ANTXR2: variants seen among roughly 807,000 people sequenced by gnomAD.
ANTXR2 encodes the protein ANTXR cell adhesion molecule 2, also known as anthrax toxin receptor 2.
In ANTXR2, 44 loss-of-function variants were observed where a neutral mutation model predicts 73.7. The observed-to-expected ratio is 0.60, with a 90% confidence interval of 0.47 to 0.77. The LOEUF is 0.77. ANTXR2 is among the 30% of genes least tolerant of loss of function. The pLI, the probability that ANTXR2 is intolerant of heterozygous loss-of-function variation, is 0.00. For synonymous variants in ANTXR2, 217 were observed against 205.9 expected (o/e 1.05, Z -0.46); for missense variants, 604 against 592.5 (o/e 1.02, Z -0.20).
chr4:79,931,176 C>T (rs577900144), intron 16 of ANTXR2, among the ~76,000 whole-genome samples: 1 of 152,232 alleles, frequency 6.6e-6, no homozygotes, highest in African/African-American at 2.4e-5. Flanking sequence ...AAATTGTGTA[C>T]ATAATTTTGC....
intron 16 of ANTXR2, among the ~76,000 whole-genome samples, chr4:79,916,347 T>C (rs1055620515): frequency 2.0e-5 from 3 of 152,114 alleles, no homozygotes; most frequent in Non-Finnish European, 4.4e-5. Context: ...TTGTGCTTCC[T>C]AATAAGTCAA....
At chr4:79,975,182 C>T (rs1729577033) in intron 16 of ANTXR2, among the ~76,000 whole-genome samples, 1 of 152,250 alleles carries the variant, frequency 6.6e-6, no homozygotes, top group East Asian at 1.9e-4. Context: ...TATCTCCTAC[C>T]TATATTCAAA....
At chr4:79,961,173 A>G (rs1185365063) in intron 16 of ANTXR2, among the ~76,000 whole-genome samples, 3 of 152,062 alleles carry the variant, frequency 2.0e-5, no homozygotes, top group Non-Finnish European at 4.4e-5. Context: ...CACATGTAGA[A>G]TAATGTAGAT....
At chr4:79,966,264 G>A (rs529298439) in intron 16 of ANTXR2, among the ~76,000 whole-genome samples, 7 of 152,064 alleles carry the variant, frequency 4.6e-5, no homozygotes, top group East Asian at 1.9e-4. Context: ...CTTGGGCATC[G>A]TAGTCCCCTA....
intron 5 of ANTXR2, 33 bp from the exon 6 acceptor site, chr4:80,055,251 A>G (rs1306284221): frequency 1.3e-6 from 2 of 1,553,218 alleles, no homozygotes; most frequent in African/African-American, 2.7e-5. Flanking sequence ...GAGAGAAAAA[A>G]AGAGAGGGGA....
chr4:79,901,345 A>G lies in ANTXR2; in HGVS notation c.*6084T>C, dbSNP rs1228633737. On this transcript the variant is annotated 3_prime_UTR_variant, in exon 17 of 17. Transcript: ENST00000403729. ...TGGTGGAGTACATGATAAGAAGTTT[A>G]GATTTGCTTCTAATTTGGCACATGA... The G allele has an allele frequency of 1.3e-5, 2 of 152,082 alleles. No individual in the cohort carries two copies. Among genetic ancestry groups the G allele is most frequent in the African/African-American group, 4.8e-5 (2 of 41,430 alleles). 9.4% of individuals were successfully genotyped at this position (152,082 alleles called of 1,614,324 possible).
intron 1 of ANTXR2, 52 bp downstream of exon 1, chr4:80,072,357 T>A (rs1015025681): frequency 1.3e-6 from 2 of 1,509,728 alleles, no homozygotes; most frequent in African/African-American, 2.9e-5. Flanking sequence ...CAGCCCCAGC[T>A]GATCCAGTGC....
At chr4:79,922,735 T>C (rs1490612220) in intron 16 of ANTXR2, among the ~76,000 whole-genome samples, 1 of 152,042 alleles carries the variant, frequency 6.6e-6, no homozygotes, top group African/African-American at 2.4e-5. Flanking sequence ...GAAATTTAGG[T>C]CTACCTACAA....
At chr4:79,995,505 A>G (rs1730682028) in intron 12 of ANTXR2, among the ~76,000 whole-genome samples, 1 of 152,022 alleles carries the variant, frequency 6.6e-6, no homozygotes, top group African/African-American at 2.4e-5. Context: ...AGAAGAGGAG[A>G]TAGAAGTATA....
At chr4:80,029,342 T>G (rs1015473194) in intron 10 of ANTXR2, among the ~76,000 whole-genome samples, 3 of 152,074 alleles carry the variant, frequency 2.0e-5, no homozygotes, top group African/African-American at 7.2e-5. Flanking sequence ...CCAAGATTTT[T>G]TTTTTCTGCT....
intron 16 of ANTXR2, among the ~76,000 whole-genome samples, chr4:79,926,885 A>G (rs1236564887): frequency 1.3e-5 from 2 of 151,922 alleles, no homozygotes; most frequent in African/African-American, 4.8e-5. Context: ...GTGTGTATAT[A>G]TATGTGTGTA....
chr4:80,065,920 A>G (rs1195569628), intron 3 of ANTXR2, among the ~76,000 whole-genome samples: 1 of 152,246 alleles, frequency 6.6e-6, no homozygotes, highest in African/African-American at 2.4e-5. Context: ...ATTGTAATAT[A>G]TAACATCAAG....
chr4:80,000,489 C>T (rs540091840), intron 12 of ANTXR2, among the ~76,000 whole-genome samples: 12 of 152,116 alleles, frequency 7.9e-5, no homozygotes, highest in Admixed American at 1.3e-4. Context: ...ATTCACCATG[C>T]AACATGCCTG....
chr4:79,994,127 A>G (rs1730614161), intron 12 of ANTXR2, among the ~76,000 whole-genome samples: 1 of 151,990 alleles, frequency 6.6e-6, no homozygotes, highest in Admixed American at 6.6e-5. Context: ...TGATAGTTAT[A>G]ATTACCATAG....
chr4:80,068,976 T>C (rs1350594012), intron 3 of ANTXR2, among the ~76,000 whole-genome samples: 1 of 152,158 alleles, frequency 6.6e-6, no homozygotes, highest in Non-Finnish European at 1.5e-5. Context: ...CTAAGTTCCC[T>C]TATAAAGGTG....
intron 3 of ANTXR2, among the ~76,000 whole-genome samples, chr4:80,068,972 T>C (rs575937718): frequency 6.6e-6 from 1 of 152,254 alleles, no homozygotes; most frequent in South Asian, 2.1e-4. Flanking sequence ...TATACTAAGT[T>C]CCCTTATAAA....
At position 80,005,439 on chromosome 4, in the gene ANTXR2, T is replaced by C. The variant is rs1042043628; in HGVS notation, c.1041+3082A>G. Among the ~76,000 whole-genome samples the C allele has an allele frequency of 1.8e-4, 28 of 152,280 alleles. 1 individual carries two copies. Among genetic ancestry groups the C allele is most frequent in the African/African-American group, 6.0e-4 (25 of 41,568 alleles). On this transcript the variant is annotated intron_variant, in intron 12 of 16. Transcript: ENST00000403729. ...CAGTCAAAGTCATATTGATCTCCAATAATTTAACGCTACTAAGAATTATTT... is the reference window on the plus strand; with the variant it reads ...CAGTCAAAGTCATATTGATCTCCAACAATTTAACGCTACTAAGAATTATTT...
Position 80,005,074 on chromosome 4 carries a change from A to G in ANTXR2, c.1041+3447T>C, listed in dbSNP as rs532589580. On this transcript the variant is annotated intron_variant, in intron 12 of 16. Coordinates refer to ENST00000403729, the MANE Select transcript of ANTXR2 (RefSeq NM_058172.6). ...TCAATCATGTTATAAAATATGACTT[A>G]ATATTTCATATTTTGGCATTTTATA... Among the ~76,000 whole-genome samples, 6 of 152,296 alleles carry G rather than the reference A, an allele frequency of 3.9e-5. No homozygotes were observed. In the East Asian group the frequency reaches 9.6e-4, roughly 24 times the overall value.
intron 16 of ANTXR2, among the ~76,000 whole-genome samples, chr4:79,937,457 G>T (rs1450536292): frequency 1.3e-5 from 2 of 152,060 alleles, no homozygotes; most frequent in Non-Finnish European, 2.9e-5. Context: ...CTTTTTATCT[G>T]CAAGTGACTT....
Sources: gnomAD v4.1 joint callset for allele counts (sites outside exome capture counted in the v4.1 genomes callset) on GRCh38, gnomAD v4.1.1 for gene constraint, MANE v1.5 for transcripts, NCBI Gene and HGNC (gene_info 2026-07-23, HGNC 2026-07-21) for gene names.